Variants in CCN3 observed in about 807,000 individuals in gnomAD.
CCN3 encodes cellular communication network factor 3, also known as CCN family member 3.
CCN3 carries 20 observed loss-of-function variants against 33.4 expected under a neutral mutation model. That is an observed-to-expected ratio of 0.60 (90% CI 0.42 to 0.87). CCN3 has a LOEUF of 0.87. CCN3 is among the 40% of genes least tolerant of loss of function. The pLI is 0.00. For missense variants in CCN3, 465 were observed against 455.3 expected, an observed-to-expected ratio of 1.02 and a Z score of -0.19; for synonymous variants, 205 against 170.4, an observed-to-expected ratio of 1.20 and a Z score of -1.58.
In CCN3 at chr8:119,423,419, A is replaced by C. The variant is rs1206534653; in HGVS notation, c.*287A>C. ...TCTATAAATTTAAGAAAACAAGTAT[A>C]TAATTTACTTTGTAGACTGTTTCAC... On this transcript the variant is annotated 3_prime_UTR_variant, in exon 5 of 5. Coordinates refer to ENST00000259526, the MANE Select transcript of CCN3 (RefSeq NM_002514.4). The C allele has an allele frequency of 2.5e-5, 8 of 321,994 alleles. No individual in the cohort carries two copies. The highest frequency in any genetic ancestry group is 4.6e-5 in the Non-Finnish European group (8 of 172,910). The allele number at this position is 321,994 out of a possible 1,614,324, so 19.9% of individuals were successfully genotyped here. A position where few individuals can be genotyped will look rare whatever the true frequency, so the allele number is the denominator to read the frequency against.
In CCN3 at chr8:119,422,937, G is replaced by A. The variant is rs751213322; in HGVS notation, c.879G>A (p.Gly293=). 1 of 1,614,030 alleles carries A rather than the reference G, an allele frequency of 6.2e-7. No individual in the cohort carries two copies. The highest frequency in any genetic ancestry group is 8.5e-7 in the Non-Finnish European group (1 of 1,180,014). Residue 293 remains glycine (G), a synonymous_variant, in exon 5 of 5, where the codon GGG becomes GGA. Transcript: ENST00000259526. The part of the protein sequence containing the change: ...SLHTYKPRFC[G]VCSDGRCCTP... Reference sequence around the variant, plus strand: ...ACACCTACAAGCCCAGGTTCTGTGGGGTCTGCAGTGATGGCCGCTGCTGCA... The same window carrying A: ...ACACCTACAAGCCCAGGTTCTGTGGAGTCTGCAGTGATGGCCGCTGCTGCA...
chr8:119,419,432 T>A, intron 4 of CCN3, 87 bp downstream of exon 4: 2 of 1,339,638 alleles, frequency 1.5e-6, no homozygotes, highest in Non-Finnish European at 1.1e-6. Flanking sequence ...TGTGTCACTC[T>A]GTGACGGAGA....
rs770481550 is a variant in CCN3, at chr8:119,418,044, C to G, written c.311-14C>G. On this transcript the variant is annotated splice_polypyrimidine_tract_variant and intron_variant, in intron 2 of 4. Transcript: ENST00000259526. ...TTCCTCTTTGCTTTTCACTTTGCTT[C>G]CCCAATATTCTAGCGGTAGAGGGAG... 1.2e-6 allele frequency: 2 copies of G among 1,603,336 alleles called. No homozygotes were observed. Among genetic ancestry groups the G allele is most frequent in the Non-Finnish European group, 1.7e-6 (2 of 1,171,632 alleles).
rs1820060465 is a variant in CCN3, at chr8:119,416,988, C to T, written c.310+19C>T. ...TGCACGGGTAATCCTGCTCCCTCTGCTGTTTGACCTCTTCTCCTGCAGCTA... is the reference window on the plus strand; with the variant it reads ...TGCACGGGTAATCCTGCTCCCTCTGTTGTTTGACCTCTTCTCCTGCAGCTA... On this transcript the variant is annotated intron_variant, in intron 2 of 4. Coordinates refer to ENST00000259526, the MANE Select transcript of CCN3 (RefSeq NM_002514.4). 6.3e-7 allele frequency: 1 copy of T among 1,583,358 alleles called. No individual in the cohort carries two copies. The highest frequency in any genetic ancestry group is 1.1e-5 in the South Asian group (1 of 88,436).
chr8:119,418,878 A>T (rs908186071), intron 3 of CCN3, among the ~76,000 whole-genome samples: 2 of 152,234 alleles, frequency 1.3e-5, no homozygotes, highest in African/African-American at 4.8e-5. Flanking sequence ...GGATTATTTT[A>T]GAAGCCATTA....
chr8:119,422,688 C>T (rs1374676269), intron 4 of CCN3, 148 bp from the exon 5 acceptor site: 3 of 706,112 alleles, frequency 4.2e-6, no homozygotes, highest in East Asian at 2.5e-5. Flanking sequence ...TAGCTGACTA[C>T]ATTGCTCAAG....
rs1459749211 is a variant in CCN3, at chr8:119,416,938, G to A, written c.279G>A (p.Ala93=). 8 of 1,613,304 alleles carry A rather than the reference G, an allele frequency of 5.0e-6. No homozygotes were observed. The Admixed American group carries it at 1.0e-4, about 20-fold the overall frequency. ...GTGGCCTCTACTGTGATCGCAGCGC[G>A]GACCCCAGCAACCAGACTGGCATCT... is the stretch of plus-strand genomic sequence containing the variant. ...ESSGLYCDRS[A]DPSNQTGICT... The change falls in exon 2 of 5, where the codon GCG becomes GCA. Residue 93 remains alanine, a synonymous_variant. Transcript: ENST00000259526.
Position 119,423,361 on chromosome 8 carries a change from T to C in CCN3, c.*229T>C, listed in dbSNP as rs1029107068. 1.2e-5 allele frequency: 5 copies of C among 427,800 alleles called. No homozygotes were observed. Among genetic ancestry groups the C allele is most frequent in the African/African-American group, 9.8e-5 (5 of 51,158 alleles). The allele number at this position is 427,800 out of a possible 1,614,324, so 26.5% of individuals were successfully genotyped here. A position where few individuals can be genotyped will look rare whatever the true frequency, so the allele number is the denominator to read the frequency against. The stretch of plus-strand genomic sequence containing the variant: ...CTCAGGATATGGCTTAGGAATGACT[T>C]ACTTTCCTGTGGTTTTATTACAAAT... On this transcript the variant is annotated 3_prime_UTR_variant, in exon 5 of 5. Coordinates refer to ENST00000259526, the MANE Select transcript of CCN3 (RefSeq NM_002514.4).
intron 2 of CCN3, chr8:119,417,223 A>C (rs1820063367): frequency 2.1e-6 from 1 of 473,702 alleles, no homozygotes; most frequent in Admixed American, 3.9e-5. Context: ...CCTAGACAAG[A>C]ATCTAAGCAA....
chr8:119,421,217 G>A (rs1820119849), intron 4 of CCN3, among the ~76,000 whole-genome samples: 1 of 151,940 alleles, frequency 6.6e-6, no homozygotes, highest in African/African-American at 2.4e-5. Context: ...CACCATGTTA[G>A]CCAGGATGAT....
intron 1 of CCN3, 62 bp downstream of exon 1, chr8:119,416,678 G>C: frequency 6.3e-7 from 1 of 1,588,424 alleles, no homozygotes; most frequent in Admixed American, 1.8e-5. Flanking sequence ...GCCCCCATTT[G>C]GTCACCGGGC....
Position 119,418,100 on chromosome 8 carries a change from G to A in CCN3, c.353G>A (p.Arg118His), listed in dbSNP as rs778838879. 47 of 1,614,170 alleles carry A rather than the reference G, an allele frequency of 2.9e-5. No individual in the cohort carries two copies. The highest frequency in any genetic ancestry group is 3.5e-5 in the Non-Finnish European group (41 of 1,180,020). The stretch of plus-strand genomic sequence containing the variant: ...TGTGTGTTCGATGGGGTCATCTACC[G>A]CAGTGGAGAGAAATTTCAGCCAAGC... ...DNCVFDGVIY[R>H]SGEKFQPSCK... The change falls in exon 3 of 5, where the codon CGC (arginine) becomes CAC (histidine). Residue 118 changes from arginine (R) to histidine (H), a missense_variant. Coordinates refer to ENST00000259526, the MANE Select transcript of CCN3 (RefSeq NM_002514.4).
chr8:119,416,732 G>A lies in CCN3; in HGVS notation c.85-12G>A, dbSNP rs201741935. On this transcript the variant is annotated splice_polypyrimidine_tract_variant and intron_variant, in intron 1 of 4. Transcript: ENST00000259526. ...CAGCTGAGTGGTTTCTCCTTGTCTC[G>A]CCTGCCTTCAGGTCGCTGCGACTCA... 4 of 1,580,342 alleles carry A rather than the reference G, an allele frequency of 2.5e-6. No homozygotes were observed. The African/African-American group carries it at 4.0e-5, about 16-fold the overall frequency.
rs1321070361 is a variant in CCN3 at position 119,423,290 on chromosome 8, A to G, written c.*158A>G. ...ATGAGGACCTTTATATCTGTCTTTT[A>G]TTTAACAAAAAATGTAATTAACTGT... On this transcript the variant is annotated 3_prime_UTR_variant, in exon 5 of 5. Transcript: ENST00000259526. 6.3e-6 allele frequency: 4 copies of G among 632,856 alleles called. No individual in the cohort carries two copies. Among genetic ancestry groups the G allele is most frequent in the Non-Finnish European group, 1.0e-5 (4 of 389,118 alleles). The allele number at this position is 632,856 out of a possible 1,614,324, so 39.2% of individuals were successfully genotyped here.
Position 119,423,175 on chromosome 8 carries a change from T to C in CCN3, c.*43T>C. On this transcript the variant is annotated 3_prime_UTR_variant, in exon 5 of 5. Transcript: ENST00000259526. ...ACACCTACAGAGCACCTGTAGCTGC[T>C]GCGCCACCCACCATCAAAGGAATAT... 6.6e-7 allele frequency: 1 copy of C among 1,516,876 alleles called. No individual in the cohort carries two copies. The highest frequency in any genetic ancestry group is 2.3e-5 in the East Asian group (1 of 44,026). 94.0% of individuals were successfully genotyped at this position (1,516,876 alleles called of 1,614,324 possible).
At chr8:119,418,422 C>T (rs2130453487) in intron 3 of CCN3, 113 bp downstream of exon 3, 1 of 1,384,528 alleles carries the variant, frequency 7.2e-7, no homozygotes, top group African/African-American at 1.4e-5. Flanking sequence ...TCTGGTCATT[C>T]AGTTGTGGGT....
At position 119,423,262 on chromosome 8, in the gene CCN3, C is replaced by A; in HGVS notation, c.*130C>A. ...ATCCTATGTATTTTCCTAATGTGAT[C>A]ATATGAGGACCTTTATATCTGTCTT... On this transcript the variant is annotated 3_prime_UTR_variant, in exon 5 of 5. Transcript: ENST00000259526. 2 of 854,144 alleles carry A rather than the reference C, an allele frequency of 2.3e-6. No individual in the cohort carries two copies. The highest frequency in any genetic ancestry group is 3.6e-6 in the Non-Finnish European group (2 of 552,226). 52.9% of individuals were successfully genotyped at this position (854,144 alleles called of 1,614,324 possible).
chr8:119,417,685 A>T (rs561989057), intron 2 of CCN3, among the ~76,000 whole-genome samples: 8 of 152,340 alleles, frequency 5.3e-5, no homozygotes, highest in African/African-American at 1.9e-4. Flanking sequence ...TGGAAAACAT[A>T]AAGTACACTT....
intron 4 of CCN3, among the ~76,000 whole-genome samples, chr8:119,422,148 G>T (rs1053310579): frequency 1.3e-5 from 2 of 148,772 alleles, no homozygotes; most frequent in Non-Finnish European, 3.0e-5. Flanking sequence ...CAGCAGGACA[G>T]AGAGAGACAG....
Sources: gnomAD v4.1 joint callset for allele counts (sites outside exome capture counted in the v4.1 genomes callset) on GRCh38, gnomAD v4.1.1 for gene constraint, MANE v1.5 for transcripts, NCBI Gene and HGNC (gene_info 2026-07-23, HGNC 2026-07-21) for gene names.